TUBB3: variants seen among roughly 807,000 people sequenced by gnomAD.
The protein encoded by TUBB3 is tubulin beta 3 class III.
TUBB3 carries 17 observed loss-of-function variants against 37.8 expected under a neutral mutation model. That is an observed-to-expected ratio of 0.45 (90% CI 0.31 to 0.67). The LOEUF (loss-of-function observed/expected upper bound fraction) is 0.67. TUBB3 is among the 30% of genes least tolerant of loss of function. TUBB3 has a pLI of 0.07. For missense variants in TUBB3, 262 were observed against 657.9 expected (o/e 0.40, Z 6.58); for synonymous variants, 332 against 278.9 (o/e 1.19, Z -1.90).
intron 1 of TUBB3, chr16:89,932,050 A>G: frequency 3.5e-6 from 1 of 287,470 alleles, no homozygotes; most frequent in South Asian, 3.2e-5. Context: ...TGAGGCCAGT[A>G]ATGTCCTGGC....
chr16:89,933,667 A>G (rs747204136), intron 3 of TUBB3, 89 bp downstream of exon 3: 3 of 992,406 alleles, frequency 3.0e-6, no homozygotes, highest in Non-Finnish European at 3.3e-6. Flanking sequence ...AGAAACAAGG[A>G]ATGGTCAGCT....
At chr16:89,932,726 G>T (rs766495569) in intron 2 of TUBB3, 47 bp downstream of exon 2, 17 of 1,493,114 alleles carry the variant, frequency 1.1e-5, no homozygotes, top group African/African-American at 9.7e-5. Context: ...GACTGACCAG[G>T]TCTCAGCGTC....
intron 1 of TUBB3, among the ~76,000 whole-genome samples, chr16:89,926,743 G>A (rs1430975167): frequency 6.6e-6 from 1 of 150,986 alleles, no homozygotes; most frequent in Non-Finnish European, 1.5e-5. Context: ...TTTAGATGGA[G>A]TTTGGCTCTT....
chr16:89,926,369 C>A (rs992622578), intron 1 of TUBB3, among the ~76,000 whole-genome samples: 5 of 152,250 alleles, frequency 3.3e-5, no homozygotes, highest in African/African-American at 1.2e-4. Context: ...GGGCGGGAAC[C>A]GCATTCGGGT....
intron 1 of TUBB3, among the ~76,000 whole-genome samples, chr16:89,926,097 C>T (rs2030068632): frequency 6.6e-6 from 1 of 152,138 alleles, no homozygotes; most frequent in Non-Finnish European, 1.5e-5. Context: ...CCGCGGGACA[C>T]AGGACGCTGC....
intron 1 of TUBB3, among the ~76,000 whole-genome samples, chr16:89,925,788 G>A (rs937460787): frequency 6.6e-6 from 1 of 152,218 alleles, no homozygotes; most frequent in Non-Finnish European, 1.5e-5. Context: ...TCCCTGTCTG[G>A]GGTCCTCGGG....
At chr16:89,932,010 G>A (rs2030297997) in intron 1 of TUBB3, 2 of 275,218 alleles carry the variant, frequency 7.3e-6, no homozygotes, top group Admixed American at 4.2e-5. Context: ...GATGAGACTG[G>A]CTCTCAGAGT....
At chr16:89,927,328 T>A (rs895392401) in intron 1 of TUBB3, among the ~76,000 whole-genome samples, 2 of 151,402 alleles carry the variant, frequency 1.3e-5, no homozygotes, top group African/African-American at 2.4e-5. Context: ...GAGGTTAAAG[T>A]GAGCTGAGGT....
chr16:89,932,450 C>T (rs1020996354), intron 1 of TUBB3, 121 bp from the exon 2 acceptor site: 11 of 760,626 alleles, frequency 1.4e-5, no homozygotes, highest in South Asian at 1.0e-4. Flanking sequence ...GAATGGGGCT[C>T]GTGGAGGCCG....
At chr16:89,925,768 C>T (rs1175409754) in intron 1 of TUBB3, among the ~76,000 whole-genome samples, 2 of 152,198 alleles carry the variant, frequency 1.3e-5, no homozygotes, top group African/African-American at 4.8e-5. Context: ...GGGGGTGCAA[C>T]GCGGCTGCTT....
Position 89,935,015 on chromosome 16 carries a change from C to T in TUBB3, c.564C>T (p.Ser188=). The T allele has an allele frequency of 6.2e-7, 1 of 1,614,190 alleles. No homozygotes were observed. Among genetic ancestry groups the T allele is most frequent in the Non-Finnish European group, 8.5e-7 (1 of 1,180,030 alleles). ...TVVEPYNATL[S]IHQLVENTDE... ...TGGAGCCCTACAACGCCACGCTGTC[C>T]ATCCACCAGCTGGTGGAGAACACGG... The change falls in exon 4 of 4, where the codon TCC becomes TCT. Residue 188 remains serine (S), a synonymous_variant. Coordinates refer to ENST00000315491, the MANE Select transcript of TUBB3 (RefSeq NM_006086.4).
intron 1 of TUBB3, 30 bp downstream of exon 1, chr16:89,923,488 GC>G: frequency 2.1e-6 from 3 of 1,418,336 alleles, no homozygotes; most frequent in South Asian, 1.4e-5. Flanking sequence ...CCTGTCCCGG[GC>G]CCCGGGGCGG....
Position 89,932,686 on chromosome 16 carries a change from G to GCCTGCCCCAGCCTC in TUBB3, c.166+11_166+24dup. 1 of 1,608,324 alleles carries GCCTGCCCCAGCCTC rather than the reference G, an allele frequency of 6.2e-7. No individual in the cohort carries two copies. The highest frequency in any genetic ancestry group is 8.5e-7 in the Non-Finnish European group (1 of 1,175,318). ...TACTACAACGAGGCCTCTTGTGAGTGCCTGCCCCAGCCTCCCTATCCCAGC... is the reference window on the plus strand; with the variant it reads ...TACTACAACGAGGCCTCTTGTGAGTGCCTGCCCCAGCCTCCCTGCCCCAGCCTCCCTATCCCAGC... On this transcript the variant is annotated splice_region_variant and intron_variant, in intron 2 of 3. Coordinates refer to ENST00000315491, the MANE Select transcript of TUBB3 (RefSeq NM_006086.4).
At chr16:89,922,759 C>G (rs889785597), upstream of TUBB3, 7 of 152,274 alleles carry the variant, frequency 4.6e-5, no homozygotes, top group Admixed American at 2.0e-4. Context: ...CCACGGAGCT[C>G]GCTCTCGGCC....
In TUBB3 at chr16:89,933,462, C is replaced by T. The variant is rs144873806; in HGVS notation, c.167-6C>T. 3.1e-4 allele frequency: 495 copies of T among 1,612,280 alleles called. No homozygotes were observed. The highest frequency in any genetic ancestry group is 4.5e-4 in the Admixed American group (27 of 60,020). On this transcript the variant is annotated splice_region_variant and splice_polypyrimidine_tract_variant and intron_variant, in intron 2 of 3. Coordinates refer to ENST00000315491, the MANE Select transcript of TUBB3 (RefSeq NM_006086.4). ...CCCGAATCACCGAGCCCCTCTCTCCCCTCAGCTCACAAGTACGTGCCTCGA... is the reference window on the plus strand; with the variant it reads ...CCCGAATCACCGAGCCCCTCTCTCCTCTCAGCTCACAAGTACGTGCCTCGA...
chr16:89,928,336 A>G (rs1372819536), intron 1 of TUBB3, among the ~76,000 whole-genome samples: 1 of 151,618 alleles, frequency 6.6e-6, no homozygotes, highest in African/African-American at 2.4e-5. Context: ...GATTATAAAT[A>G]TGAGCCACCA....
chr16:89,933,126 A>G (rs1203059486), intron 2 of TUBB3: 14 of 580,160 alleles, frequency 2.4e-5, no homozygotes, highest in South Asian at 6.3e-5. Flanking sequence ...GACAGTCTCG[A>G]TATGTTGCCC....
chr16:89,925,591 G>A (rs2030046859), intron 1 of TUBB3, among the ~76,000 whole-genome samples: 1 of 152,080 alleles, frequency 6.6e-6, no homozygotes, highest in African/African-American at 2.4e-5. Context: ...GTGAGATCCT[G>A]TCTCACAGTA....
chr16:89,926,066 G>A (rs1029840313), intron 1 of TUBB3, among the ~76,000 whole-genome samples: 26 of 152,320 alleles, frequency 1.7e-4, no homozygotes, highest in African/African-American at 1.7e-4. Flanking sequence ...GGCGGGCCGG[G>A]CTATGCAGAA....
Sources: gnomAD v4.1 joint callset for allele counts (sites outside exome capture counted in the v4.1 genomes callset) on GRCh38, gnomAD v4.1.1 for gene constraint, MANE v1.5 for transcripts, NCBI Gene and HGNC (gene_info 2026-07-23, HGNC 2026-07-21) for gene names.